PATJ: variants seen among roughly 807,000 people sequenced by gnomAD.
The protein encoded by PATJ is inaD-like protein.
PATJ carries 190 observed loss-of-function variants against 224.9 expected under a neutral mutation model. The observed-to-expected ratio is 0.84, with a 90% CI of 0.75 to 0.95. The LOEUF (loss-of-function observed/expected upper bound fraction) is 0.95. Ranked by LOEUF, PATJ falls within the 40% of genes least tolerant of loss-of-function variation. The pLI, the probability that PATJ is intolerant of heterozygous loss-of-function variation, is 0.00. For synonymous variants in PATJ, 769 were observed against 820.3 expected (o/e 0.94, Z 1.07); for missense variants, 2,121 against 2,270.3 (o/e 0.93, Z 1.34).
chr1:61,826,058 T>C (rs1658191022), intron 15 of PATJ, among the ~76,000 whole-genome samples: 1 of 152,358 alleles, frequency 6.6e-6, no homozygotes, highest in Non-Finnish European at 1.5e-5. Flanking sequence ...TGCTGTCGCC[T>C]AGACCTCTTC....
At position 61,763,064 on chromosome 1, in the gene PATJ, A is replaced by G. The variant is rs768950974; in HGVS notation, c.74A>G (p.Glu25Gly). 7.4e-6 allele frequency: 12 copies of G among 1,611,458 alleles called. No individual in the cohort carries two copies. Among genetic ancestry groups the G allele is most frequent in the Non-Finnish European group, 9.3e-6 (11 of 1,178,382 alleles). ...VLDRLKMKLQ[E>G]KGDTSQNEKL... ...GATCGCCTGAAAATGAAATTGCAGG[A>G]GAAGGGTGACACGTCGCAGAATGAG... is the stretch of plus-strand genomic sequence containing the variant. Residue 25 changes from glutamate to glycine, a missense_variant, in exon 3 of 44, where the codon GAG becomes GGG. By Grantham distance (98) the Glu-to-Gly change is moderately conservative. Coordinates refer to ENST00000642238, the MANE Select transcript of PATJ (RefSeq NM_001350145.3).
chr1:61,900,096 T>G (rs1213625519), intron 23 of PATJ, among the ~76,000 whole-genome samples: 3 of 152,186 alleles, frequency 2.0e-5, no homozygotes, highest in Non-Finnish European at 4.4e-5. Context: ...CCATCTTCCC[T>G]TGGATCTGGG....
chr1:62,031,039 A>T (rs561394210), intron 29 of PATJ, among the ~76,000 whole-genome samples: 3 of 152,352 alleles, frequency 2.0e-5, no homozygotes, highest in South Asian at 2.1e-4. Context: ...AGACACAGTT[A>T]TGCTTCAGTA....
intron 26 of PATJ, among the ~76,000 whole-genome samples, chr1:61,921,758 CA>C (rs2149263361): frequency 6.6e-6 from 1 of 152,162 alleles, no homozygotes; most frequent in South Asian, 2.1e-4. Context: ...GAAAACAGAT[CA>C]GGGGTTCCTT....
chr1:61,929,150 A>G (rs12064276), intron 27 of PATJ, among the ~76,000 whole-genome samples: 5,410 of 152,244 alleles, frequency 0.036, 365 homozygotes, highest in African/African-American at 0.12. Context: ...TGTGTAATAT[A>G]TTTCCTTGTT....
At chr1:62,145,942 A>T (rs1343794509) in intron 41 of PATJ, among the ~76,000 whole-genome samples, 1 of 152,138 alleles carries the variant, frequency 6.6e-6, no homozygotes, top group African/African-American at 2.4e-5. Flanking sequence ...TGGGCGACAG[A>T]GTGAGACTCT....
At chr1:62,084,875 T>C (rs1659764447) in intron 33 of PATJ, among the ~76,000 whole-genome samples, 1 of 152,188 alleles carries the variant, frequency 6.6e-6, no homozygotes, top group Admixed American at 6.5e-5. Flanking sequence ...CCCAGCACTT[T>C]GGGAGGCCAA....
intron 11 of PATJ, among the ~76,000 whole-genome samples, chr1:61,801,171 G>A (rs1652412769): frequency 6.6e-6 from 1 of 152,032 alleles, no homozygotes; most frequent in African/African-American, 2.4e-5. Context: ...TTCCACTGTG[G>A]GTGAATTAGT....
intron 14 of PATJ, among the ~76,000 whole-genome samples, chr1:61,811,509 C>A (rs888163504): frequency 1.3e-5 from 2 of 151,858 alleles, no homozygotes; most frequent in Non-Finnish European, 2.9e-5. Flanking sequence ...CAGGTGTGAA[C>A]CACTGTGCCC....
chr1:61,936,530 C>CA (rs1283715175), intron 27 of PATJ, among the ~76,000 whole-genome samples: 1 of 150,628 alleles, frequency 6.6e-6, no homozygotes, highest in African/African-American at 2.4e-5. Flanking sequence ...TCAAAACCTA[C>CA]AGAGTATTTT....
intron 18 of PATJ, among the ~76,000 whole-genome samples, chr1:61,859,347 A>G (rs1004837591): frequency 2.6e-5 from 4 of 152,196 alleles, no homozygotes; most frequent in African/African-American, 9.6e-5. Flanking sequence ...AGTGAGTCCA[A>G]GGCTGCCAAG....
intron 31 of PATJ, among the ~76,000 whole-genome samples, chr1:62,058,572 A>G (rs1368616538): frequency 2.0e-5 from 3 of 152,180 alleles, no homozygotes; most frequent in African/African-American, 7.2e-5. Context: ...TCATCCAAAA[A>G]TTAGAGAAGA....
chr1:62,082,105 G>A (rs144238550), intron 32 of PATJ, among the ~76,000 whole-genome samples: 3 of 152,218 alleles, frequency 2.0e-5, no homozygotes, highest in Non-Finnish European at 4.4e-5. Flanking sequence ...TTAGGCTGTG[G>A]TCCACACAGC....
intron 15 of PATJ, 133 bp downstream of exon 15, chr1:61,823,212 C>A: frequency 2.5e-6 from 2 of 815,994 alleles, no homozygotes; most frequent in Non-Finnish European, 3.9e-6. Flanking sequence ...TTGAAAAAAC[C>A]GAACAGCTTA....
chr1:61,957,632 C>G (rs1361289067), intron 27 of PATJ, among the ~76,000 whole-genome samples: 1 of 152,054 alleles, frequency 6.6e-6, no homozygotes, highest in Non-Finnish European at 1.5e-5. Flanking sequence ...ACTTTGTGAC[C>G]CGTGAACCTT....
chr1:61,869,096 C>CTTTT (rs1557785952), intron 20 of PATJ, among the ~76,000 whole-genome samples: 1 of 133,434 alleles, frequency 7.5e-6, no homozygotes. Flanking sequence ...ATGGAAATAA[C>CTTTT]ATTTTTTTTT....
chr1:62,035,992 C>T (rs1650306678), intron 29 of PATJ, among the ~76,000 whole-genome samples: 1 of 149,088 alleles, frequency 6.7e-6, no homozygotes, highest in Admixed American at 6.7e-5. Flanking sequence ...CTCAGCTCAG[C>T]TAAGAAGTGG....
chr1:61,866,880 A>C (rs1009446558), intron 20 of PATJ, among the ~76,000 whole-genome samples: 1 of 152,236 alleles, frequency 6.6e-6, no homozygotes, highest in African/African-American at 2.4e-5. Context: ...TTTTGATTAT[A>C]TGCTAAATAA....
chr1:62,071,563 G>A (rs1657416499), intron 31 of PATJ, among the ~76,000 whole-genome samples: 1 of 142,984 alleles, frequency 7.0e-6, no homozygotes, highest in African/African-American at 2.6e-5. Flanking sequence ...TGCAATCTCA[G>A]CTCACTGCAA....
Sources: gnomAD v4.1 joint callset for allele counts (sites outside exome capture counted in the v4.1 genomes callset) on GRCh38, gnomAD v4.1.1 for gene constraint, MANE v1.5 for transcripts, NCBI Gene and HGNC (gene_info 2026-07-23, HGNC 2026-07-21) for gene names.